MED23: variants seen among roughly 807,000 people sequenced by gnomAD.
The protein encoded by MED23 is mediator complex subunit 23, also known as mediator of RNA polymerase II transcription subunit 23.
In MED23, 105 loss-of-function variants were observed where a neutral mutation model predicts 163.9. The observed-to-expected ratio is 0.64, with a 90% CI of 0.55 to 0.75. The LOEUF (loss-of-function observed/expected upper bound fraction) is 0.75. Ranked by LOEUF, MED23 falls within the 30% of genes least tolerant of loss-of-function variation. MED23 has a pLI of 0.00. For missense variants in MED23, 1,054 were observed against 1,649.0 expected, an observed-to-expected ratio of 0.64 and a Z score of 6.25; for synonymous variants, 561 against 565.6, an observed-to-expected ratio of 0.99 and a Z score of 0.12.
Position 131,602,273 on chromosome 6 carries a change from A to C in MED23, c.2040T>G (p.Ser680=), listed in dbSNP as rs932094834. 3.1e-6 allele frequency: 5 copies of C among 1,613,872 alleles called. No homozygotes were observed. The African/African-American group carries it at 4.0e-5, about 13-fold the overall frequency. ...ATATCAAGGCTCGGTTCAGTTCTTC[A>C]GATTCTGCTGAGAGCACTGTTTTGG... ...SDPKTVLSAE[S]EELNRALILT... Residue 680 remains serine (S), a synonymous_variant, in exon 17 of 29, where the codon TCT becomes TCG. Coordinates refer to ENST00000368068, the MANE Select transcript of MED23 (RefSeq NM_004830.4).
Position 131,587,235 on chromosome 6 carries a change from A to T in MED23, c.*444T>A, listed in dbSNP as rs1774237816. ...TGATATAAATCTCTATTATTCTGAA[A>T]ATCTACCAAGAGATTTATGTATAAA... On this transcript the variant is annotated 3_prime_UTR_variant, in exon 29 of 29. Transcript: ENST00000368068. 7.6e-6 allele frequency: 8 copies of T among 1,056,882 alleles called. No individual in the cohort carries two copies. Among genetic ancestry groups the T allele is most frequent in the Non-Finnish European group, 9.3e-6 (8 of 862,250 alleles). The allele number at this position is 1,056,882 out of a possible 1,614,324, so 65.5% of individuals were successfully genotyped here.
At chr6:131,583,798 GA>G, downstream of MED23, 1 of 1,614,102 alleles carries the variant, frequency 6.2e-7, no homozygotes, top group Non-Finnish European at 8.5e-7. Context: ...GAAGACACCA[GA>G]AGAAGTAACT....
downstream of MED23, chr6:131,583,621 T>C (rs1774052665): frequency 5.7e-5 from 87 of 1,514,104 alleles, 1 homozygote; most frequent in South Asian, 1.0e-3. Flanking sequence ...ATGCAATAAC[T>C]AAAGTGTTTT....
chr6:131,584,569 T>C (rs1395056220), downstream of MED23, among the ~76,000 whole-genome samples: 1 of 152,146 alleles, frequency 6.6e-6, no homozygotes, highest in African/African-American at 2.4e-5. Flanking sequence ...AATAATAGGT[T>C]TGGGCAATCT....
intron 3 of MED23, among the ~76,000 whole-genome samples, chr6:131,626,473 T>C (rs1444927092): frequency 6.6e-6 from 1 of 152,112 alleles, no homozygotes; most frequent in Non-Finnish European, 1.5e-5. Context: ...GAATTACCTG[T>C]AGATTATTAT....
rs77464393 is a variant in MED23 at position 131,603,516 on chromosome 6, A to G, written c.1757-312T>C. Among the ~76,000 whole-genome samples the G allele has an allele frequency of 2.8e-3, 420 of 152,306 alleles. 3 individuals are homozygous for G. Among genetic ancestry groups the G allele is most frequent in the African/African-American group, 9.5e-3 (397 of 41,576 alleles). The stretch of plus-strand genomic sequence containing the variant: ...CAATTCTGATATCTTTTATTTTTAG[A>G]CAATTAATGTTCCATACCTTTTGAA... On this transcript the variant is annotated intron_variant, in intron 15 of 28. Coordinates refer to ENST00000368068, the MANE Select transcript of MED23 (RefSeq NM_004830.4).
chr6:131,583,280 C>A, downstream of MED23: 1 of 1,608,158 alleles, frequency 6.2e-7, no homozygotes, highest in Non-Finnish European at 8.5e-7. Context: ...TTTTATAAAA[C>A]AAGTTAACAG....
chr6:131,605,189 ATACTC>A, intron 14 of MED23, 46 bp downstream of exon 14: 1 of 1,579,510 alleles, frequency 6.3e-7, no homozygotes, highest in South Asian at 1.1e-5. Context: ...GGTTTATACT[ATACTC>A]GTATCAATTC....
intron 24 of MED23, 30 bp from the exon 25 acceptor site, chr6:131,592,490 G>A (rs1462778701): frequency 6.3e-7 from 1 of 1,595,052 alleles, no homozygotes; most frequent in African/African-American, 1.3e-5. Context: ...ATGTAAGTAT[G>A]AATTTATAAA....
intron 17 of MED23, among the ~76,000 whole-genome samples, chr6:131,601,842 T>A (rs1165761397): frequency 1.3e-5 from 2 of 151,656 alleles, no homozygotes; most frequent in Non-Finnish European, 2.9e-5. Flanking sequence ...AACAAATTAA[T>A]AAATATTTTT....
chr6:131,575,274 T>A (rs1773559078), intron 30 of MED23, among the ~76,000 whole-genome samples: 3 of 151,756 alleles, frequency 2.0e-5, no homozygotes, highest in Non-Finnish European at 4.4e-5. Context: ...CTACTATATG[T>A]CAGCTCTACA....
chr6:131,628,215 G>T lies in MED23; in HGVS notation c.-166C>A. On this transcript the variant is annotated 5_prime_UTR_variant, in exon 1 of 29. It adds an upstream start codon to the 5' untranslated region. Coordinates refer to ENST00000368068, the MANE Select transcript of MED23 (RefSeq NM_004830.4). ...CCTGGAGCGTTCCCTCCCGAGCCCAGCCAACAGCAGGAACCTGTACGGAAG... is the reference window on the plus strand; with the variant it reads ...CCTGGAGCGTTCCCTCCCGAGCCCATCCAACAGCAGGAACCTGTACGGAAG... The T allele has an allele frequency of 1.3e-6, 1 of 750,284 alleles. No homozygotes were observed. The highest frequency in any genetic ancestry group is 2.3e-6 in the Non-Finnish European group (1 of 435,884). The allele number at this position is 750,284 out of a possible 1,614,324, so 46.5% of individuals were successfully genotyped here.
In MED23 at chr6:131,603,014, T is replaced by C; in HGVS notation, c.1931+16A>G. ...TCTAATAAATCTTAAGGAAAGATGGTCTTCAATGAGCTCACCAAAGATGGA... is the reference window on the plus strand; with the variant it reads ...TCTAATAAATCTTAAGGAAAGATGGCCTTCAATGAGCTCACCAAAGATGGA... On this transcript the variant is annotated intron_variant, in intron 16 of 28. Transcript: ENST00000368068. The C allele has an allele frequency of 6.2e-7, 1 of 1,612,738 alleles. No individual in the cohort carries two copies. Among genetic ancestry groups the C allele is most frequent in the Non-Finnish European group, 8.5e-7 (1 of 1,178,898 alleles).
In MED23 at chr6:131,594,345, A is replaced by C. The variant is rs1312351407; in HGVS notation, c.2996-10T>G. On this transcript the variant is annotated splice_polypyrimidine_tract_variant and intron_variant, in intron 22 of 28. Transcript: ENST00000368068. ...TAAGTCACTGGACGATCTGCCAAGAAAAAAACATACCACCACAATGTTTAA... is the reference window on the plus strand; with the variant it reads ...TAAGTCACTGGACGATCTGCCAAGACAAAAACATACCACCACAATGTTTAA... The C allele has an allele frequency of 3.2e-6, 5 of 1,582,894 alleles. No individual in the cohort carries two copies. Among genetic ancestry groups the C allele is most frequent in the Non-Finnish European group, 3.5e-6 (4 of 1,151,578 alleles).
At chr6:131,592,522 C>T (rs981620883) in intron 24 of MED23, 62 bp from the exon 25 acceptor site, 32 of 1,373,006 alleles carry the variant, frequency 2.3e-5, no homozygotes, top group Middle Eastern at 1.8e-4. Context: ...TGGCTGACAA[C>T]GGATCTTATT....
intron 30 of MED23, among the ~76,000 whole-genome samples, chr6:131,575,336 A>G (rs2114514358): frequency 6.6e-6 from 1 of 152,302 alleles, no homozygotes; most frequent in African/African-American, 2.4e-5. Flanking sequence ...AAATCTAACA[A>G]TGAGGAAAAG....
At chr6:131,623,839 C>T (rs772847653) in intron 4 of MED23, among the ~76,000 whole-genome samples, 22 of 152,254 alleles carry the variant, frequency 1.4e-4, no homozygotes, top group Admixed American at 7.2e-4. Flanking sequence ...TACCCAGTCT[C>T]GGGTATATCT....
intron 15 of MED23, among the ~76,000 whole-genome samples, chr6:131,603,674 A>T (rs1775650259): frequency 6.6e-6 from 1 of 152,190 alleles, no homozygotes; most frequent in African/African-American, 2.4e-5. Flanking sequence ...ACTATGCTGT[A>T]TTCGTGAAAA....
chr6:131,608,247 T>C (rs977673718), intron 11 of MED23, among the ~76,000 whole-genome samples, 176 bp from the exon 12 acceptor site: 7 of 152,260 alleles, frequency 4.6e-5, no homozygotes, highest in Non-Finnish European at 7.4e-5. Flanking sequence ...AGACACACCA[T>C]GCAAAACCTG....
Sources: allele counts gnomAD v4.1 joint callset (sites outside exome capture counted in the v4.1 genomes callset), GRCh38; gene constraint gnomAD v4.1.1; transcripts MANE v1.5; gene names NCBI Gene and HGNC (gene_info 2026-07-23, HGNC 2026-07-21).